COL28A1: variants seen among roughly 807,000 people sequenced by gnomAD.
COL28A1 encodes collagen alpha-1(XXVIII) chain.
COL28A1 carries 161 observed loss-of-function variants against 150.2 expected under a neutral mutation model. That is an observed-to-expected ratio of 1.07 (90% CI 0.94 to 1.22). The LOEUF (loss-of-function observed/expected upper bound fraction) is 1.22. Among genes scored for constraint, COL28A1 ranks in the 50% most tolerant of loss-of-function variants. The pLI is 0.00. For missense variants in COL28A1, 1,617 were observed against 1,388.3 expected, an observed-to-expected ratio of 1.16 and a Z score of -2.62; for synonymous variants, 552 against 469.7, an observed-to-expected ratio of 1.18 and a Z score of -2.26.
intron 27 of COL28A1, among the ~76,000 whole-genome samples, chr7:7,386,536 C>T (rs1301030290): frequency 2.6e-5 from 4 of 152,196 alleles, no homozygotes; most frequent in Non-Finnish European, 5.9e-5. Context: ...GGAAATTCAC[C>T]TACCTGGTGG....
intron 3 of COL28A1, among the ~76,000 whole-genome samples, chr7:7,527,640 A>G (rs552704838): frequency 7.5e-4 from 114 of 152,304 alleles, no homozygotes; most frequent in African/African-American, 2.6e-3. Flanking sequence ...GACTGGGGGC[A>G]TGCTTGAGTT....
intron 15 of COL28A1, among the ~76,000 whole-genome samples, chr7:7,459,039 T>C (rs1425591437): frequency 1.3e-5 from 2 of 152,190 alleles, no homozygotes; most frequent in Admixed American, 6.5e-5. Context: ...TAGTGTTATA[T>C]GTAAAAGAAC....
intron 3 of COL28A1, among the ~76,000 whole-genome samples, chr7:7,528,481 T>G (rs999246339): frequency 1.3e-5 from 2 of 152,168 alleles, no homozygotes; most frequent in Non-Finnish European, 2.9e-5. Flanking sequence ...TGCAATGATT[T>G]GTTTTGTCTT....
At chr7:7,490,484 T>C in intron 12 of COL28A1, 94 bp downstream of exon 12, 2 of 622,686 alleles carry the variant, frequency 3.2e-6, no homozygotes, top group Non-Finnish European at 5.6e-6. Flanking sequence ...TTGTGTCTAT[T>C]GGATTTAGGC....
chr7:7,505,909 T>C, intron 11 of COL28A1, 105 bp downstream of exon 11: 1 of 754,346 alleles, frequency 1.3e-6, no homozygotes, highest in East Asian at 2.5e-5. Flanking sequence ...TTTCCAAAGG[T>C]ACTTCCTCAA....
intron 15 of COL28A1, among the ~76,000 whole-genome samples, chr7:7,458,515 T>C (rs955095908): frequency 3.3e-5 from 5 of 152,064 alleles, no homozygotes; most frequent in Non-Finnish European, 7.4e-5. Flanking sequence ...ATTAAATATA[T>C]AGAACCTGCA....
chr7:7,535,911 T>C (rs1782615940), upstream of COL28A1: 1 of 152,214 alleles, frequency 6.6e-6, no homozygotes, highest in Admixed American at 6.5e-5. Flanking sequence ...TCATGTTTAT[T>C]CGACTAAGTC....
At chr7:7,431,532 G>A (rs932950242) in intron 25 of COL28A1, 1 of 470,998 alleles carries the variant, frequency 2.1e-6, no homozygotes, top group Non-Finnish European at 4.4e-6. Context: ...CCTGATGCAG[G>A]AATGAGCTGA....
At chr7:7,517,111 G>C (rs765510241) in intron 7 of COL28A1, among the ~76,000 whole-genome samples, 2 of 151,950 alleles carry the variant, frequency 1.3e-5, no homozygotes, top group Non-Finnish European at 2.9e-5. Context: ...CAGATTTTTT[G>C]TTGACATTAC....
chr7:7,407,190 GAGGAAAGAACTAA>G (rs1043113185), intron 27 of COL28A1, among the ~76,000 whole-genome samples: 1 of 151,982 alleles, frequency 6.6e-6, no homozygotes, highest in Admixed American at 6.6e-5. Flanking sequence ...AGATTGTAGA[GAGGAAAGAACTAA>G]AACGTTTAAC....
intron 9 of COL28A1, among the ~76,000 whole-genome samples, chr7:7,509,520 G>A (rs188087000): frequency 3.9e-5 from 6 of 151,910 alleles, no homozygotes; most frequent in Admixed American, 1.3e-4. Context: ...TAAACTCTTC[G>A]TGTCAAGGAC....
intron 15 of COL28A1, among the ~76,000 whole-genome samples, chr7:7,457,358 G>A (rs1445914716): frequency 6.6e-6 from 1 of 152,156 alleles, no homozygotes; most frequent in East Asian, 1.9e-4. Flanking sequence ...AATGTTGAAG[G>A]TAGAGTGATG....
At chr7:7,372,323 C>T (rs578254168) in intron 32 of COL28A1, among the ~76,000 whole-genome samples, 15 of 151,566 alleles carry the variant, frequency 9.9e-5, no homozygotes, top group South Asian at 4.2e-4. Context: ...CACTTGAACC[C>T]GGGAAGCAGA....
At chr7:7,511,701 G>A in intron 8 of COL28A1, 1 of 470,236 alleles carries the variant, frequency 2.1e-6, no homozygotes. Context: ...GAAAGGTTCT[G>A]AAGTGAGATT....
intron 11 of COL28A1, among the ~76,000 whole-genome samples, chr7:7,501,737 C>G (rs1052824428): frequency 1.9e-4 from 29 of 152,126 alleles, no homozygotes; most frequent in African/African-American, 7.0e-4. Context: ...ACCATGACAG[C>G]CCCATGGAAG....
At chr7:7,440,486 T>C (rs971075143) in intron 21 of COL28A1, among the ~76,000 whole-genome samples, 2 of 152,228 alleles carry the variant, frequency 1.3e-5, no homozygotes, top group African/African-American at 4.8e-5. Flanking sequence ...TATGAAGAAC[T>C]GATAGCTCCT....
In COL28A1 at chr7:7,373,556, G is replaced by C. The variant is rs766403624; in HGVS notation, c.2360-10C>G. Reference sequence around the variant, plus strand: ...CATTTGGGCCCACAACCTAAAAGATGAATGTTGAGAGAGAAAAATTGTGGG... The same window carrying C: ...CATTTGGGCCCACAACCTAAAAGATCAATGTTGAGAGAGAAAAATTGTGGG... On this transcript the variant is annotated splice_polypyrimidine_tract_variant and intron_variant, in intron 31 of 34. Coordinates refer to ENST00000399429, the MANE Select transcript of COL28A1 (RefSeq NM_001037763.3). This position sits in a 1 kb window ranked among gnomAD's most constrained non-coding sequence, Gnocchi z 4.1. The C allele has an allele frequency of 2.1e-5, 34 of 1,598,932 alleles. No homozygotes were observed. The highest frequency in any genetic ancestry group is 2.9e-5 in the Non-Finnish European group (34 of 1,172,712).
intron 25 of COL28A1, among the ~76,000 whole-genome samples, chr7:7,423,659 A>G (rs561531952): frequency 5.9e-5 from 9 of 151,912 alleles, no homozygotes; most frequent in Non-Finnish European, 1.2e-4. Flanking sequence ...TTAATTCATG[A>G]TTTTTTTTGT....
chr7:7,474,395 C>G lies in COL28A1; in HGVS notation c.1302+206G>C, dbSNP rs1400914594. 3.9e-5 allele frequency among the ~76,000 whole-genome samples: 6 copies of G among 152,002 alleles called. No homozygotes were observed. The East Asian group carries it at 1.2e-3, about 29-fold the overall frequency. On this transcript the variant is annotated intron_variant, in intron 15 of 34. Transcript: ENST00000399429. ...AATCTCACAAATCACCACTAAAGAA[C>G]TTACTCATGTAACCTATCACCACCT...
Sources: allele counts gnomAD v4.1 joint callset (sites outside exome capture counted in the v4.1 genomes callset), GRCh38; gene constraint gnomAD v4.1.1; non-coding constraint Gnocchi (gnomAD v3.1); transcripts MANE v1.5; gene names NCBI Gene and HGNC (gene_info 2026-07-23, HGNC 2026-07-21).